Variants in LRRC72 observed in about 807,000 individuals in gnomAD.
The protein encoded by LRRC72 is leucine rich repeat containing 72, also known as leucine-rich repeat-containing protein 72.
LRRC72 carries 41 observed loss-of-function variants against 35.8 expected under a neutral mutation model. The ratio of observed to expected loss-of-function variants is 1.15; its 90% CI spans 0.89 to 1.49. The LOEUF (loss-of-function observed/expected upper bound fraction) is 1.49, where lower values mean the gene tolerates loss of function less well. LRRC72 is among the 40% of genes most tolerant of loss of function. LRRC72 has a pLI of 0.00. For missense variants in LRRC72, 389 were observed against 330.7 expected (o/e 1.18, Z -1.37); for synonymous variants, 118 against 119.2 (o/e 0.99, Z 0.07).
chr7:16,579,713 C>T (rs534442367), intron 7 of LRRC72, among the ~76,000 whole-genome samples: 9 of 152,214 alleles, frequency 5.9e-5, no homozygotes, highest in South Asian at 2.1e-4. Context: ...ATGTGCCTTT[C>T]GGAAGAAAAG....
At chr7:16,538,867 TA>T (rs1204235816) in intron 3 of LRRC72, among the ~76,000 whole-genome samples, 16 of 152,214 alleles carry the variant, frequency 1.1e-4, no homozygotes, top group African/African-American at 3.9e-4. Flanking sequence ...GTCATGACTG[TA>T]AGTTTCCTGA....
chr7:16,548,100 G>A (rs1166654548), intron 3 of LRRC72, among the ~76,000 whole-genome samples: 1 of 152,246 alleles, frequency 6.6e-6, no homozygotes, highest in Non-Finnish European at 1.5e-5. Flanking sequence ...ACCAGCTGCA[G>A]AGAGGAGCTA....
At chr7:16,545,077 A>ATCC in intron 3 of LRRC72, among the ~76,000 whole-genome samples, 1 of 152,384 alleles carries the variant, frequency 6.6e-6, no homozygotes, top group African/African-American at 2.4e-5. Flanking sequence ...CTTAAAACCT[A>ATCC]GATGACGGGT....
intron 7 of LRRC72, among the ~76,000 whole-genome samples, chr7:16,571,497 C>G (rs1782943511): frequency 6.6e-6 from 1 of 152,190 alleles, no homozygotes; most frequent in African/African-American, 2.4e-5. Context: ...AGGTACCTGG[C>G]TTACCTCACT....
intron 2 of LRRC72, among the ~76,000 whole-genome samples, chr7:16,537,376 T>C (rs1782275431): frequency 6.6e-6 from 1 of 152,170 alleles, no homozygotes; most frequent in Non-Finnish European, 1.5e-5. Flanking sequence ...CATAATGAGG[T>C]GTAAATTTTT....
intron 1 of LRRC72, among the ~76,000 whole-genome samples, chr7:16,531,172 A>G (rs2014391): frequency 0.75 from 111,871 of 149,066 alleles, 42,534 homozygotes; most frequent in East Asian, 1. Flanking sequence ...AACAGAGCAA[A>G]ACTCTCTCAA....
chr7:16,541,944 G>GAC (rs111489811), intron 3 of LRRC72, among the ~76,000 whole-genome samples: 26,819 of 149,402 alleles, frequency 0.18, 2,515 homozygotes, highest in East Asian at 0.3. Context: ...CAGACAGACA[G>GAC]ACACACACAC....
In LRRC72 at chr7:16,574,646, C is replaced by T. The variant is rs913122567; in HGVS notation, c.671-5428C>T. On this transcript the variant is annotated intron_variant, in intron 7 of 8. Transcript: ENST00000401542. ...AGGAACATCACACACTGGGGCCTGTCGGGGGCTGGAGGGCTGGGGGAGGGA... is the reference window on the plus strand; with the variant it reads ...AGGAACATCACACACTGGGGCCTGTTGGGGGCTGGAGGGCTGGGGGAGGGA... Among the ~76,000 whole-genome samples, 7 of 151,648 alleles carry T rather than the reference C, an allele frequency of 4.6e-5. No individual in the cohort carries two copies. The East Asian group carries it at 7.7e-4, about 17-fold the overall frequency.
At chr7:16,550,623 T>C (rs1297906166) in intron 3 of LRRC72, among the ~76,000 whole-genome samples, 5 of 152,242 alleles carry the variant, frequency 3.3e-5, no homozygotes, top group Admixed American at 6.5e-5. Flanking sequence ...TTCTTTTAAG[T>C]GATCTTTTGT....
intron 4 of LRRC72, among the ~76,000 whole-genome samples, chr7:16,558,318 A>C (rs1782686011): frequency 6.6e-6 from 1 of 152,236 alleles, no homozygotes. Flanking sequence ...CATTTTAAAA[A>C]GTAAAACAGG....
chr7:16,541,948 C>T (rs963156715), intron 3 of LRRC72, among the ~76,000 whole-genome samples: 1 of 149,626 alleles, frequency 6.7e-6, no homozygotes. Flanking sequence ...CAGACAGACA[C>T]ACACACACAC....
At chr7:16,567,271 C>A in intron 6 of LRRC72, 120 bp from the exon 7 acceptor site, 1 of 744,700 alleles carries the variant, frequency 1.3e-6, no homozygotes, top group Non-Finnish European at 2.0e-6. Context: ...ACAGTTTTGA[C>A]AGGATGTTCT....
chr7:16,570,797 C>T (rs377292088), intron 7 of LRRC72, among the ~76,000 whole-genome samples: 102 of 152,176 alleles, frequency 6.7e-4, no homozygotes, highest in East Asian at 2.9e-3. Flanking sequence ...TCCAACAGAA[C>T]GAGACCCTCT....
intron 3 of LRRC72, among the ~76,000 whole-genome samples, chr7:16,553,338 A>T (rs1308468834): frequency 6.6e-6 from 1 of 152,076 alleles, no homozygotes; most frequent in Non-Finnish European, 1.5e-5. Context: ...TTGAATGTTC[A>T]CTCTGCTACT....
At chr7:16,556,835 T>C (rs1357366646) in intron 3 of LRRC72, among the ~76,000 whole-genome samples, 1 of 152,188 alleles carries the variant, frequency 6.6e-6, no homozygotes, top group East Asian at 1.9e-4. Flanking sequence ...TCATGCACGG[T>C]TTAGTATGCC....
intron 7 of LRRC72, 75 bp from the exon 8 acceptor site, chr7:16,579,999 T>C (rs940299346): frequency 3.1e-6 from 1 of 319,952 alleles, no homozygotes; most frequent in Non-Finnish European, 6.5e-6. Context: ...TTTTCCTTTA[T>C]AGCATTGTTC....
At position 16,526,964 on chromosome 7, in the gene LRRC72, C is replaced by T. The variant is rs1045260465; in HGVS notation, c.12C>T (p.Asp4=). The part of the protein sequence containing the change: MSW[D]PNPVPRTLRC... Reference sequence around the variant, plus strand: ...GCCCATGTGTCCTGATGTCCTGGGACCCGAACCCCGTGCCCCGTACCTTGC... The same window carrying T: ...GCCCATGTGTCCTGATGTCCTGGGATCCGAACCCCGTGCCCCGTACCTTGC... Residue 4 remains aspartate (D), a synonymous_variant, in exon 1 of 9, where the codon GAC becomes GAT. Coordinates refer to ENST00000401542, the MANE Select transcript of LRRC72 (RefSeq NM_001195280.2). The T allele has an allele frequency of 8.4e-6, 13 of 1,539,646 alleles. No homozygotes were observed. The African/African-American group carries it at 1.5e-4, about 18-fold the overall frequency.
chr7:16,534,371 C>T (rs73076797), intron 2 of LRRC72, among the ~76,000 whole-genome samples: 2,447 of 152,020 alleles, frequency 0.016, 27 homozygotes, highest in Admixed American at 0.023. Context: ...ACCCTTCTGA[C>T]GTGAAAGAGT....
chr7:16,554,866 A>T (rs1415072809), intron 3 of LRRC72, among the ~76,000 whole-genome samples: 1 of 152,238 alleles, frequency 6.6e-6, no homozygotes, highest in Non-Finnish European at 1.5e-5. Flanking sequence ...AAGAGAAATT[A>T]AAGTCTCAGC....
Sources: allele counts gnomAD v4.1 joint callset (sites outside exome capture counted in the v4.1 genomes callset), GRCh38; gene constraint gnomAD v4.1.1; transcripts MANE v1.5; gene names NCBI Gene and HGNC (gene_info 2026-07-23, HGNC 2026-07-21).